The following CNTNAP5 variants were observed in gnomAD, a reference collection of about 807,000 sequenced individuals.
CNTNAP5 encodes contactin-associated protein-like 5.
A neutral mutation model predicts 150.2 loss-of-function variants in CNTNAP5; 72 were observed. That is an observed-to-expected ratio of 0.48 (90% CI 0.40 to 0.58). CNTNAP5 has a LOEUF of 0.58. Ranked by LOEUF, CNTNAP5 falls within the 20% of genes least tolerant of loss-of-function variation. The pLI is 0.00. For missense variants in CNTNAP5, 1,636 were observed against 1,626.2 expected, an observed-to-expected ratio of 1.01 and a Z score of -0.10; for synonymous variants, 672 against 619.8, an observed-to-expected ratio of 1.08 and a Z score of -1.25.
intron 1 of CNTNAP5, among the ~76,000 whole-genome samples, chr2:124,076,835 T>A (rs747278115): frequency 3.2e-4 from 48 of 152,078 alleles, no homozygotes; most frequent in Non-Finnish European, 5.7e-4. Flanking sequence ...TCCAGAATGA[T>A]GGTCCTGGAG....
At chr2:124,266,581 G>A (rs1687612240) in intron 3 of CNTNAP5, among the ~76,000 whole-genome samples, 1 of 152,164 alleles carries the variant, frequency 6.6e-6, no homozygotes, top group Admixed American at 6.5e-5. Flanking sequence ...GGACTTGGTT[G>A]TTGTAACCCT....
intron 3 of CNTNAP5, among the ~76,000 whole-genome samples, chr2:124,308,523 T>G (rs1386496054): frequency 1.3e-5 from 2 of 152,136 alleles, no homozygotes; most frequent in Non-Finnish European, 2.9e-5. Flanking sequence ...TAATTGAAAA[T>G]TAAAGCAGAG....
chr2:124,607,062 G>A (rs977629993), intron 11 of CNTNAP5, among the ~76,000 whole-genome samples: 10 of 152,144 alleles, frequency 6.6e-5, no homozygotes, highest in Admixed American at 1.3e-4. Flanking sequence ...ACAGTATGAG[G>A]GAGGCTCTTT....
chr2:124,757,960 A>G (rs918458942), intron 14 of CNTNAP5, among the ~76,000 whole-genome samples: 1 of 152,206 alleles, frequency 6.6e-6, no homozygotes, highest in Admixed American at 6.5e-5. Context: ...GACCTCTTAA[A>G]AGGTTTTAAG....
At chr2:124,201,277 A>G in intron 1 of CNTNAP5, among the ~76,000 whole-genome samples, 1 of 152,318 alleles carries the variant, frequency 6.6e-6, no homozygotes, top group South Asian at 2.1e-4. Context: ...AAGGGAGAGA[A>G]TAAAATTGAG....
At chr2:124,735,177 C>T (rs1044311586) in intron 13 of CNTNAP5, among the ~76,000 whole-genome samples, 3 of 152,022 alleles carry the variant, frequency 2.0e-5, no homozygotes, top group African/African-American at 7.2e-5. Flanking sequence ...AATGACTGCC[C>T]ATCCAAAAAA....
chr2:124,197,719 C>T (rs1439168484), intron 1 of CNTNAP5, among the ~76,000 whole-genome samples: 3 of 152,074 alleles, frequency 2.0e-5, no homozygotes, highest in East Asian at 1.9e-4. Context: ...CAGTGGCTCA[C>T]GCATGTAATC....
chr2:124,055,302 C>T (rs1681816034), intron 1 of CNTNAP5, among the ~76,000 whole-genome samples: 4 of 152,162 alleles, frequency 2.6e-5, no homozygotes, highest in Admixed American at 2.6e-4. Flanking sequence ...GAAACTAAGA[C>T]TCATTTAACT....
chr2:124,166,792 A>G (rs1684818028), intron 1 of CNTNAP5, among the ~76,000 whole-genome samples: 2 of 152,164 alleles, frequency 1.3e-5, no homozygotes, highest in African/African-American at 2.4e-5. Flanking sequence ...TGTCATTGGC[A>G]GAGATTAGGA....
At chr2:124,206,662 G>A (rs1302715019) in intron 1 of CNTNAP5, among the ~76,000 whole-genome samples, 4 of 152,272 alleles carry the variant, frequency 2.6e-5, no homozygotes, top group Non-Finnish European at 4.4e-5. Flanking sequence ...TGGTTCATGG[G>A]CCAGCGGCAT....
At chr2:124,577,030 G>A (rs1487708428) in intron 11 of CNTNAP5, among the ~76,000 whole-genome samples, 2 of 152,108 alleles carry the variant, frequency 1.3e-5, no homozygotes, top group African/African-American at 2.4e-5. Context: ...CTCTAGAAAC[G>A]GACTGATAAA....
intron 1 of CNTNAP5, among the ~76,000 whole-genome samples, chr2:124,214,233 C>A (rs541382371): frequency 6.6e-6 from 1 of 152,084 alleles, no homozygotes; most frequent in East Asian, 1.9e-4. Flanking sequence ...AGGATGATGT[C>A]CTCCCACCAA....
chr2:124,150,649 G>A (rs896280465), intron 1 of CNTNAP5, among the ~76,000 whole-genome samples: 1 of 152,022 alleles, frequency 6.6e-6, no homozygotes, highest in African/African-American at 2.4e-5. Flanking sequence ...GGTGGGGAGA[G>A]AGAAAGAAAG....
chr2:124,598,886 G>T (rs6759759), intron 11 of CNTNAP5, among the ~76,000 whole-genome samples: 1 of 151,352 alleles, frequency 6.6e-6, no homozygotes, highest in Non-Finnish European at 1.5e-5. Flanking sequence ...CGCAATATTC[G>T]GGTGGGAGTG....
At chr2:124,755,084 T>G (rs1680811556) in intron 14 of CNTNAP5, among the ~76,000 whole-genome samples, 1 of 152,136 alleles carries the variant, frequency 6.6e-6, no homozygotes, top group African/African-American at 2.4e-5. Flanking sequence ...TTTTTTTTCT[T>G]TCTTTTTATT....
chr2:124,645,553 G>A (rs1422188067), intron 12 of CNTNAP5, among the ~76,000 whole-genome samples: 3 of 124,402 alleles, frequency 2.4e-5, no homozygotes, highest in Non-Finnish European at 5.8e-5. Context: ...GGGCAACATA[G>A]CAAGCCCCTG....
chr2:124,780,294 T>A (rs916618020), intron 17 of CNTNAP5, among the ~76,000 whole-genome samples: 2 of 152,158 alleles, frequency 1.3e-5, no homozygotes, highest in Non-Finnish European at 2.9e-5. Context: ...TTCACCCCAT[T>A]GGAATAATGA....
At chr2:124,059,751 G>A (rs540897029) in intron 1 of CNTNAP5, among the ~76,000 whole-genome samples, 12 of 152,088 alleles carry the variant, frequency 7.9e-5, no homozygotes, top group East Asian at 1.9e-4. Flanking sequence ...TGGCATCAGC[G>A]TAGAGTTTTT....
intron 13 of CNTNAP5, among the ~76,000 whole-genome samples, chr2:124,669,148 G>A (rs1678758397): frequency 1.3e-5 from 2 of 152,074 alleles, no homozygotes. Context: ...TCAGTCAGTT[G>A]CACACCTAAA....
Sources: allele counts gnomAD v4.1 joint callset (sites outside exome capture counted in the v4.1 genomes callset), GRCh38; gene constraint gnomAD v4.1.1; transcripts MANE v1.5; gene names NCBI Gene and HGNC (gene_info 2026-07-23, HGNC 2026-07-21).